FHOD3: variants seen among roughly 807,000 people sequenced by gnomAD.
FHOD3 encodes the protein formin homology 2 domain containing 3.
Under a neutral mutation model 173.0 loss-of-function variants are expected in FHOD3, and 90 were observed. The ratio of observed to expected loss-of-function variants is 0.52; its 90% confidence interval spans 0.44 to 0.62. The LOEUF is 0.62. Ranked by LOEUF, FHOD3 falls within the 20% of genes least tolerant of loss-of-function variation. The pLI is 0.00. For missense variants in FHOD3, 1,945 were observed against 2,034.7 expected (o/e 0.96, Z 0.85); for synonymous variants, 828 against 823.0 (o/e 1.01, Z -0.10).
At chr18:36,537,075 G>A (rs2057023739) in intron 5 of FHOD3, among the ~76,000 whole-genome samples, 1 of 152,104 alleles carries the variant, frequency 6.6e-6, no homozygotes, top group African/African-American at 2.4e-5. Context: ...GCTTTCACTT[G>A]CTTTGCTTGT....
At chr18:36,590,159 G>A (rs769444734) in intron 6 of FHOD3, among the ~76,000 whole-genome samples, 3 of 152,178 alleles carry the variant, frequency 2.0e-5, no homozygotes, top group Admixed American at 6.5e-5. Flanking sequence ...GACGTGGGCT[G>A]TGAATCTTAA....
At chr18:36,546,913 A>G (rs1266178873) in intron 5 of FHOD3, among the ~76,000 whole-genome samples, 1 of 152,202 alleles carries the variant, frequency 6.6e-6, no homozygotes, top group Admixed American at 6.5e-5. Flanking sequence ...GGTAATCAGC[A>G]TAGAACCTCG....
At chr18:36,767,827 C>CAA (rs1293043860) in intron 27 of FHOD3, among the ~76,000 whole-genome samples, 2 of 152,150 alleles carry the variant, frequency 1.3e-5, no homozygotes, top group African/African-American at 4.8e-5. Flanking sequence ...ACTACACACA[C>CAA]ACACACACAT....
chr18:36,468,397 C>T (rs1181834969), intron 3 of FHOD3, among the ~76,000 whole-genome samples: 6 of 151,994 alleles, frequency 3.9e-5, no homozygotes, highest in Admixed American at 3.3e-4. Context: ...ACAGGGAAGG[C>T]GGAGGTGGTG....
intron 14 of FHOD3, among the ~76,000 whole-genome samples, chr18:36,678,524 C>CAAAAAAAAAAAAAAAAAAAAAAAAAA (rs58064190): frequency 4.2e-5 from 3 of 71,152 alleles, no homozygotes; most frequent in East Asian, 4.2e-4. Flanking sequence ...GACCCTGTCT[C>CAAAAAAAAAAAAAAAAAAAAAAAAAA]AAAAAAAAAA....
chr18:36,533,091 G>T (rs1025526849), intron 5 of FHOD3, among the ~76,000 whole-genome samples: 3 of 152,160 alleles, frequency 2.0e-5, no homozygotes, highest in African/African-American at 7.2e-5. Context: ...AGACATGGTG[G>T]GTCTACTGGA....
At chr18:36,471,746 G>T (rs2053296533) in intron 3 of FHOD3, among the ~76,000 whole-genome samples, 1 of 152,200 alleles carries the variant, frequency 6.6e-6, no homozygotes, top group South Asian at 2.1e-4. Context: ...TCACACAAAT[G>T]CTTGTCTGTC....
chr18:36,576,492 G>A lies in FHOD3; in HGVS notation c.553G>A (p.Val185Ile), dbSNP rs746260376. Reference sequence around the variant, plus strand: ...GTTGTATGTGGATGGAATGAATGGAGTAATAAACCGCAATGAAACCATTCA... The same window carrying A: ...GTTGTATGTGGATGGAATGAATGGAATAATAAACCGCAATGAAACCATTCA... ...IMLYVDGMNG[V>I]INRNETIQWL... Residue 185 changes from valine to isoleucine, a missense_variant, in exon 6 of 29, where the codon GTA (valine) becomes ATA (isoleucine). This residue lies in a region of FHOD3 where 245 missense variants were observed against 267.7 expected (regional missense o/e 0.92). Coordinates refer to ENST00000590592, the MANE Select transcript of FHOD3 (RefSeq NM_001281740.3). 6.8e-6 allele frequency: 11 copies of A among 1,613,878 alleles called. No individual in the cohort carries two copies. The South Asian group carries it at 1.1e-4, about 16-fold the overall frequency.
intron 4 of FHOD3, among the ~76,000 whole-genome samples, chr18:36,507,185 G>T (rs1290911393): frequency 6.6e-6 from 1 of 152,210 alleles, no homozygotes; most frequent in African/African-American, 2.4e-5. Flanking sequence ...AGTCAGGAGT[G>T]GTGGTGGTGC....
At chr18:36,365,211 C>CT (rs940308652) in intron 2 of FHOD3, among the ~76,000 whole-genome samples, 2 of 152,166 alleles carry the variant, frequency 1.3e-5, no homozygotes, top group Non-Finnish European at 2.9e-5. Flanking sequence ...GCCACATGTG[C>CT]TTTCCATGTC....
At chr18:36,474,303 G>A (rs2053441863) in intron 3 of FHOD3, among the ~76,000 whole-genome samples, 1 of 152,166 alleles carries the variant, frequency 6.6e-6, no homozygotes, top group South Asian at 2.1e-4. Flanking sequence ...TGTCCCATAA[G>A]TTGGTTCAGT....
intron 5 of FHOD3, among the ~76,000 whole-genome samples, chr18:36,559,966 TGA>T (rs1045976771): frequency 5.9e-5 from 9 of 152,108 alleles, no homozygotes; most frequent in Non-Finnish European, 1.2e-4. Context: ...TGCAGCAAGC[TGA>T]GAGAGGCATA....
intron 11 of FHOD3, among the ~76,000 whole-genome samples, chr18:36,650,246 T>A (rs564324342): frequency 6.6e-6 from 1 of 152,180 alleles, no homozygotes; most frequent in African/African-American, 2.4e-5. Context: ...ATCAAATGGA[T>A]CTTGGATGAA....
intron 27 of FHOD3, among the ~76,000 whole-genome samples, chr18:36,764,857 T>G (rs1043568634): frequency 3.3e-5 from 5 of 152,096 alleles, no homozygotes; most frequent in African/African-American, 1.2e-4. Context: ...AAGCCTTCTT[T>G]GAAAAAACAT....
chr18:36,637,866 A>G lies in FHOD3; in HGVS notation c.1197-11450A>G, dbSNP rs59049697. Among the ~76,000 whole-genome samples the G allele has an allele frequency of 5.3e-3, 805 of 152,292 alleles. 10 individuals are homozygous for G. The highest frequency in any genetic ancestry group is 0.018 in the African/African-American group (766 of 41,552). Reference sequence around the variant, plus strand: ...ATTGGGGACTAGCTAGATCAGTAAAACGTCTACTTTTGGATGATTTATGTT... The same window carrying G: ...ATTGGGGACTAGCTAGATCAGTAAAGCGTCTACTTTTGGATGATTTATGTT... On this transcript the variant is annotated intron_variant, in intron 10 of 28. Transcript: ENST00000590592.
chr18:36,457,524 G>A, intron 3 of FHOD3, among the ~76,000 whole-genome samples: 1 of 151,372 alleles, frequency 6.6e-6, no homozygotes, highest in East Asian at 1.9e-4. Flanking sequence ...GAATCCAACA[G>A]TAAAAAGGCA....
rs2054414490 is a variant in FHOD3 at position 36,490,546 on chromosome 18, C to T, written c.338-11386C>T. ...AGCAACCACATACATAATTTTATGA[C>T]TTAAAGTCTTTTGCAGCCTCTTGGT... On this transcript the variant is annotated intron_variant, in intron 3 of 28. Coordinates refer to ENST00000590592, the MANE Select transcript of FHOD3 (RefSeq NM_001281740.3). Among the ~76,000 whole-genome samples the T allele has an allele frequency of 2.0e-5, 3 of 152,146 alleles. 1 individual carries two copies. In the South Asian group the frequency reaches 6.2e-4, roughly 32 times the overall value.
intron 28 of FHOD3, among the ~76,000 whole-genome samples, chr18:36,774,849 C>A (rs577446696): frequency 6.6e-5 from 10 of 152,294 alleles, no homozygotes; most frequent in Middle Eastern, 3.4e-3. Context: ...TTGCATTTAG[C>A]CCTCATGTCT....
intron 1 of FHOD3, among the ~76,000 whole-genome samples, chr18:36,349,917 C>T (rs1246236809): frequency 1.3e-5 from 2 of 152,112 alleles, no homozygotes; most frequent in African/African-American, 4.8e-5. Context: ...AGGTGTGTCA[C>T]CACCACACCC....
Sources: allele counts gnomAD v4.1 joint callset (sites outside exome capture counted in the v4.1 genomes callset), GRCh38; gene constraint gnomAD v4.1.1; regional missense constraint gnomAD v4.1.1; transcripts MANE v1.5; gene names NCBI Gene and HGNC (gene_info 2026-07-23, HGNC 2026-07-21).